The following COL24A1 variants were observed in gnomAD, a reference collection of about 807,000 sequenced individuals.
The protein encoded by COL24A1 is collagen alpha-1(XXIV) chain.
A neutral mutation model predicts 253.9 loss-of-function variants in COL24A1; 224 were observed. That is an observed-to-expected ratio of 0.88 (90% CI 0.79 to 0.99). The LOEUF is 0.99. Ranked by LOEUF, COL24A1 falls within the 50% of genes least tolerant of loss-of-function variation. The pLI, the probability that COL24A1 is intolerant of heterozygous loss-of-function variation, is 0.00. For synonymous variants in COL24A1, 685 were observed against 673.7 expected (o/e 1.02, Z -0.26); for missense variants, 2,131 against 2,068.5 (o/e 1.03, Z -0.59).
intron 55 of COL24A1, among the ~76,000 whole-genome samples, 197 bp from the exon 56 acceptor site, chr1:85,745,703 CAA>C (rs1398572696): frequency 2.0e-5 from 3 of 152,124 alleles, no homozygotes; most frequent in African/African-American, 7.2e-5. Context: ...CACCTTCATC[CAA>C]ATCTCAAACG....
At chr1:85,746,571 G>C (rs774125291) in intron 55 of COL24A1, among the ~76,000 whole-genome samples, 7 of 152,110 alleles carry the variant, frequency 4.6e-5, no homozygotes, top group Non-Finnish European at 8.8e-5. Flanking sequence ...AAAAGTGCAC[G>C]AAACTATGAG....
At chr1:85,773,308 A>C (rs1668172107) in intron 53 of COL24A1, among the ~76,000 whole-genome samples, 1 of 151,520 alleles carries the variant, frequency 6.6e-6, no homozygotes, top group Admixed American at 6.6e-5. Flanking sequence ...TAGTGTGATG[A>C]CTCCAGCTTT....
intron 20 of COL24A1, among the ~76,000 whole-genome samples, chr1:85,978,394 T>C (rs568596207): frequency 1.3e-5 from 2 of 151,936 alleles, no homozygotes; most frequent in South Asian, 4.2e-4. Flanking sequence ...ATATTAACGT[T>C]GAATGTAAAT....
chr1:85,893,074 A>C (rs752240635), intron 31 of COL24A1, among the ~76,000 whole-genome samples: 8 of 152,252 alleles, frequency 5.3e-5, no homozygotes, highest in Middle Eastern at 3.4e-3. Flanking sequence ...AAATTGTCAG[A>C]ATGAATAAAA....
chr1:86,095,884 G>A (rs1476188236), intron 5 of COL24A1, among the ~76,000 whole-genome samples: 1 of 152,078 alleles, frequency 6.6e-6, no homozygotes, highest in Non-Finnish European at 1.5e-5. Flanking sequence ...ATCAGAGTAA[G>A]TCTTTTAGTC....
chr1:86,036,170 C>T (rs1246171282), intron 12 of COL24A1, among the ~76,000 whole-genome samples: 1 of 151,668 alleles, frequency 6.6e-6, no homozygotes, highest in African/African-American at 2.4e-5. Flanking sequence ...TTATCGTTGT[C>T]GAGATGGGGT....
At chr1:85,926,826 T>C (rs574044740) in intron 24 of COL24A1, among the ~76,000 whole-genome samples, 2 of 151,288 alleles carry the variant, frequency 1.3e-5, no homozygotes, top group South Asian at 4.2e-4. Flanking sequence ...TAATAATAAT[T>C]ATAATAATAA....
chr1:86,089,557 G>A (rs1442874241), intron 6 of COL24A1, among the ~76,000 whole-genome samples: 7 of 152,150 alleles, frequency 4.6e-5, no homozygotes, highest in African/African-American at 1.4e-4. Flanking sequence ...CGGTGGCCCA[G>A]GCCTGTAATC....
intron 22 of COL24A1, among the ~76,000 whole-genome samples, chr1:85,965,759 A>C (rs1023099542): frequency 6.6e-6 from 1 of 152,026 alleles, no homozygotes; most frequent in African/African-American, 2.4e-5. Flanking sequence ...CTGAAGGAAA[A>C]GTGTTCCAGG....
intron 52 of COL24A1, among the ~76,000 whole-genome samples, chr1:85,776,680 G>A (rs1668577175): frequency 6.6e-6 from 1 of 151,366 alleles, no homozygotes; most frequent in South Asian, 2.1e-4. Context: ...GCTAATTTTT[G>A]TCATTGTTAG....
intron 24 of COL24A1, among the ~76,000 whole-genome samples, chr1:85,936,020 G>A (rs1316107269): frequency 2.0e-5 from 3 of 147,616 alleles, no homozygotes; most frequent in South Asian, 2.4e-4. Flanking sequence ...CAAACATTTG[G>A]TTGGTCTCTT....
chr1:85,788,364 T>A (rs578180471), intron 47 of COL24A1, among the ~76,000 whole-genome samples: 1 of 152,346 alleles, frequency 6.6e-6, no homozygotes, highest in African/African-American at 2.4e-5. Context: ...GTGCTGGGAT[T>A]ATAGGCGTGA....
Position 85,771,106 on chromosome 1 carries a change from A to AATT in COL24A1, c.4374+4565_4374+4567dup, listed in dbSNP as rs895609269. On this transcript the variant is annotated intron_variant, in intron 53 of 59. Transcript: ENST00000370571. ...TGCAATCTACCACATAGGGTTTTTA[A>AATT]ATTATTATTATTATACTTTAAGTTC... Among the ~76,000 whole-genome samples the AATT allele has an allele frequency of 7.2e-5, 11 of 152,104 alleles. No homozygotes were observed. In the East Asian group the frequency reaches 2.1e-3, roughly 29 times the overall value.
chr1:85,778,023 C>CTCTAGCTA (rs1668741346), intron 52 of COL24A1, among the ~76,000 whole-genome samples: 1 of 149,130 alleles, frequency 6.7e-6, no homozygotes, highest in Non-Finnish European at 1.5e-5. Context: ...ATGTCTCTAT[C>CTCTAGCTA]TCTATCTATC....
intron 25 of COL24A1, 142 bp from the exon 26 acceptor site, chr1:85,910,145 T>G (rs1685226657): frequency 1.9e-6 from 1 of 517,282 alleles, no homozygotes; most frequent in Non-Finnish European, 3.3e-6. Context: ...TTTTTAAATT[T>G]ACAAATTTGG....
In COL24A1 at chr1:86,071,611, C is replaced by T. The variant is rs553780894; in HGVS notation, c.1708-7852G>A. On this transcript the variant is annotated intron_variant, in intron 7 of 59. Coordinates refer to ENST00000370571, the MANE Select transcript of COL24A1 (RefSeq NM_152890.7). ...CAAGAATAGCTATACTTATATCAGACAAAACAGATTTCCAAACAAAAACTA... is the reference window on the plus strand; with the variant it reads ...CAAGAATAGCTATACTTATATCAGATAAAACAGATTTCCAAACAAAAACTA... Among the ~76,000 whole-genome samples the T allele has an allele frequency of 1.2e-3, 180 of 152,132 alleles. 3 individuals carry two copies. Among genetic ancestry groups the T allele is most frequent in the Middle Eastern group, 6.8e-3 (2 of 294 alleles).
intron 18 of COL24A1, among the ~76,000 whole-genome samples, chr1:86,019,492 A>G (rs934650228): frequency 1.3e-5 from 2 of 151,806 alleles, no homozygotes; most frequent in African/African-American, 4.8e-5. Flanking sequence ...CAAGAGTTGG[A>G]GACTGCAGTG....
At chr1:85,904,484 C>T (rs1684616860) in intron 28 of COL24A1, among the ~76,000 whole-genome samples, 1 of 152,098 alleles carries the variant, frequency 6.6e-6, no homozygotes, top group African/African-American at 2.4e-5. Context: ...AGAGAATCTG[C>T]TAGCTTATAT....
At chr1:85,947,335 C>T (rs540241973) in intron 24 of COL24A1, among the ~76,000 whole-genome samples, 1 of 152,192 alleles carries the variant, frequency 6.6e-6, no homozygotes, top group South Asian at 2.1e-4. Context: ...CAAAGGTGAA[C>T]CCCCATTTAC....
Sources: allele counts gnomAD v4.1 joint callset (sites outside exome capture counted in the v4.1 genomes callset), GRCh38; gene constraint gnomAD v4.1.1; transcripts MANE v1.5; gene names NCBI Gene and HGNC (gene_info 2026-07-23, HGNC 2026-07-21).